Variants in MGA observed in about 807,000 individuals in gnomAD.
MGA encodes MAX gene-associated protein.
MGA carries 40 observed loss-of-function variants against 261.1 expected under a neutral mutation model. The ratio of observed to expected loss-of-function variants is 0.15; its 90% CI spans 0.12 to 0.20. The LOEUF is 0.20. Ranked by LOEUF, MGA falls within the 10% of genes least tolerant of loss-of-function variation. The pLI, the probability that MGA is intolerant of heterozygous loss-of-function variation, is 1.00. For synonymous variants in MGA, 1,302 were observed against 1,290.6 expected, an observed-to-expected ratio of 1.01 and a Z score of -0.19; for missense variants, 3,397 against 3,630.5, an observed-to-expected ratio of 0.94 and a Z score of 1.65.
intron 2 of MGA, among the ~76,000 whole-genome samples, chr15:41,685,305 T>A (rs998336515): frequency 7.9e-5 from 12 of 152,318 alleles, no homozygotes; most frequent in African/African-American, 2.6e-4. Flanking sequence ...AAATTCTGTT[T>A]CATTGATTTA....
intron 1 of MGA, among the ~76,000 whole-genome samples, chr15:41,632,190 A>G (rs1383845848): frequency 6.6e-6 from 1 of 152,194 alleles, no homozygotes; most frequent in Non-Finnish European, 1.5e-5. Flanking sequence ...TGTTTTCTGT[A>G]GAGGACTAGA....
chr15:41,724,556 G>A (rs1034533415), intron 9 of MGA, among the ~76,000 whole-genome samples: 1 of 152,190 alleles, frequency 6.6e-6, no homozygotes, highest in African/African-American at 2.4e-5. Context: ...GCCAAGTGGT[G>A]TGTGCTTGTA....
rs531723422 is a variant in MGA at position 41,663,589 on chromosome 15, C to T, written c.-68+3064C>T. 5.3e-5 allele frequency among the ~76,000 whole-genome samples: 8 copies of T among 151,976 alleles called. No homozygotes were observed. In the East Asian group the frequency reaches 1.6e-3, roughly 30 times the overall value. On this transcript the variant is annotated intron_variant, in intron 1 of 23. Coordinates refer to ENST00000219905, the MANE Select transcript of MGA (RefSeq NM_001164273.2). The stretch of plus-strand genomic sequence containing the variant: ...GGCTCATTGCAACCTCCTGCCTCAT[C>T]CTCCCGAGTAGCTGGGACTACAGGT...
At chr15:41,622,186 G>A (rs2056316183) in intron 1 of MGA, among the ~76,000 whole-genome samples, 1 of 152,108 alleles carries the variant, frequency 6.6e-6, no homozygotes, top group Non-Finnish European at 1.5e-5. Context: ...TGGTGTACTG[G>A]GATGAGCCGA....
intron 23 of MGA, among the ~76,000 whole-genome samples, chr15:41,765,766 A>G (rs1344700939): frequency 6.6e-6 from 1 of 152,212 alleles, no homozygotes; most frequent in East Asian, 1.9e-4. Flanking sequence ...TAAAATAATT[A>G]AATGGAACTT....
intron 1 of MGA, among the ~76,000 whole-genome samples, chr15:41,648,688 G>C (rs2056981492): frequency 6.6e-6 from 1 of 152,196 alleles, no homozygotes; most frequent in South Asian, 2.1e-4. Flanking sequence ...GAGCATTTGA[G>C]AAATAGAAGG....
At position 41,750,482 on chromosome 15, in the gene MGA, G is replaced by T. The variant is rs369394208; in HGVS notation, c.6875G>T (p.Ser2292Ile). The T allele has an allele frequency of 6.2e-7, 1 of 1,613,972 alleles. No homozygotes were observed. Among genetic ancestry groups the T allele is most frequent in the South Asian group, 1.1e-5 (1 of 91,082 alleles). Residue 2292 changes from serine (S) to isoleucine (I), a missense_variant, in exon 17 of 24, where the codon AGC becomes ATC. Transcript: ENST00000219905. ...AAGCAAGAGAAGAAGGGTGGGAGAA[G>T]CAGTGCTGACTTCACTGTTTTGGAT... is the stretch of plus-strand genomic sequence containing the variant.
At chr15:41,662,581 A>G (rs2057476904) in intron 1 of MGA, among the ~76,000 whole-genome samples, 1 of 152,244 alleles carries the variant, frequency 6.6e-6, no homozygotes, top group African/African-American at 2.4e-5. Context: ...TAGTAAAAAT[A>G]AGCAAATGAT....
intron 9 of MGA, among the ~76,000 whole-genome samples, chr15:41,720,186 C>G (rs1006933893): frequency 9.2e-5 from 14 of 152,058 alleles, no homozygotes; most frequent in African/African-American, 3.4e-4. Context: ...AAAATTACCA[C>G]GTGATATGGG....
Position 41,664,189 on chromosome 15 carries a change from A to G in MGA, c.-68+3664A>G, listed in dbSNP as rs190682101. On this transcript the variant is annotated intron_variant, in intron 1 of 23. Transcript: ENST00000219905. ...GAAGTTTATTTTCCTGTCTTCAGGCACATTTTTACATTTTTTTATTATATG... is the reference window on the plus strand; with the variant it reads ...GAAGTTTATTTTCCTGTCTTCAGGCGCATTTTTACATTTTTTTATTATATG... Among the ~76,000 whole-genome samples, 247 of 152,352 alleles carry G rather than the reference A, an allele frequency of 1.6e-3. 1 individual carries two copies. Among genetic ancestry groups the G allele is most frequent in the African/African-American group, 5.7e-3 (238 of 41,586 alleles).
intron 15 of MGA, among the ~76,000 whole-genome samples, chr15:41,745,281 T>TAA (rs71108126): frequency 1.2e-4 from 4 of 33,232 alleles, no homozygotes; most frequent in East Asian, 2.2e-3. Flanking sequence ...GAATGATCAA[T>TAA]AAAAAAAAAA....
chr15:41,734,053 G>T (rs1471793354), intron 11 of MGA, among the ~76,000 whole-genome samples: 1 of 151,770 alleles, frequency 6.6e-6, no homozygotes, highest in Non-Finnish European at 1.5e-5. Flanking sequence ...GACTATAGGT[G>T]TGTGCCACCA....
chr15:41,660,767 C>A (rs540968752), intron 1 of MGA, among the ~76,000 whole-genome samples: 1 of 152,184 alleles, frequency 6.6e-6, no homozygotes, highest in Non-Finnish European at 1.5e-5. Flanking sequence ...CGCTCAGCTA[C>A]CTAACTGGGA....
chr15:41,675,435 A>G (rs116003517), intron 2 of MGA, among the ~76,000 whole-genome samples: 1 of 151,382 alleles, frequency 6.6e-6, no homozygotes, highest in African/African-American at 2.4e-5. Context: ...GTGCAGTGGC[A>G]GGTTCATGGC....
rs750247540 is a variant in MGA, at chr15:41,766,477, A to T, written c.8395A>T (p.Ile2799Leu). ...GGAACTGAGGAAAGTAACATCAGCT[A>T]TAGAGGAAGCAGCTCTTGATTCCAG... is the stretch of plus-strand genomic sequence containing the variant. The change falls in exon 24 of 24, where the codon ATA becomes TTA. Residue 2799 changes from isoleucine to leucine, a missense_variant. Ile to Leu is a conservative substitution (Grantham distance 5). This residue lies in a region of MGA where 647 missense variants were observed against 642.4 expected (regional missense o/e 1.01). Transcript: ENST00000219905. 1 of 1,614,038 alleles carries T rather than the reference A, an allele frequency of 6.2e-7. No individual in the cohort carries two copies. The highest frequency in any genetic ancestry group is 2.2e-5 in the East Asian group (1 of 44,888).
chr15:41,736,343 A>C lies in MGA; in HGVS notation c.4079A>C (p.Asn1360Thr). Residue 1360 changes from asparagine to threonine, a missense_variant, in exon 13 of 24, where the codon AAT (asparagine) becomes ACT (threonine). Coordinates refer to ENST00000219905, the MANE Select transcript of MGA (RefSeq NM_001164273.2). ...TTGAGCATCTTATCCCAGCACATCA[A>C]TAGCAACATGCCACAATCACTTAAG... The C allele has an allele frequency of 6.2e-7, 1 of 1,614,012 alleles. No homozygotes were observed. Among genetic ancestry groups the C allele is most frequent in the East Asian group, 2.2e-5 (1 of 44,888 alleles).
At chr15:41,761,303 A>G (rs2063442114) in intron 20 of MGA, among the ~76,000 whole-genome samples, 1 of 152,264 alleles carries the variant, frequency 6.6e-6, no homozygotes, top group Admixed American at 6.5e-5. Context: ...TTTTGCATGT[A>G]GAATATCTAA....
intron 9 of MGA, among the ~76,000 whole-genome samples, chr15:41,719,156 C>A (rs894728123): frequency 6.6e-6 from 1 of 151,826 alleles, no homozygotes; most frequent in African/African-American, 2.4e-5. Context: ...TAGCATCCAA[C>A]GAGAAGAGAC....
chr15:41,665,141 C>G (rs1047843797), intron 1 of MGA, among the ~76,000 whole-genome samples: 38 of 152,126 alleles, frequency 2.5e-4, no homozygotes, highest in Admixed American at 2.5e-3. Flanking sequence ...AGCTGTATGA[C>G]CAATCTTGTA....
Sources: gnomAD v4.1 joint callset for allele counts (sites outside exome capture counted in the v4.1 genomes callset) on GRCh38, gnomAD v4.1.1 for gene constraint, gnomAD v4.1.1 regional missense constraint, MANE v1.5 for transcripts, NCBI Gene and HGNC (gene_info 2026-07-23, HGNC 2026-07-21) for gene names.